Variants in CSPP1 observed in about 807,000 individuals in gnomAD.
CSPP1 encodes the protein centrosome and spindle pole associated protein 1, also known as centrosome and spindle pole-associated protein 1.
In CSPP1, 126 loss-of-function variants were observed where a neutral mutation model predicts 164.4. That is an observed-to-expected ratio of 0.77 (90% confidence interval 0.66 to 0.89). The LOEUF (loss-of-function observed/expected upper bound fraction) is 0.89. Ranked by LOEUF, CSPP1 falls within the 40% of genes least tolerant of loss-of-function variation. The pLI is 0.00. For synonymous variants in CSPP1, 472 were observed against 476.7 expected (o/e 0.99, Z 0.13); for missense variants, 1,395 against 1,449.8 (o/e 0.96, Z 0.61).
At chr8:67,065,110 G>C (rs536001068) in intron 1 of CSPP1, among the ~76,000 whole-genome samples, 1 of 152,324 alleles carries the variant, frequency 6.6e-6, no homozygotes, top group South Asian at 2.1e-4. Context: ...TATTGTTAAC[G>C]TGGGAGCGCT....
intron 3 of CSPP1, among the ~76,000 whole-genome samples, chr8:67,080,693 A>G (rs1484168353): frequency 1.3e-5 from 2 of 152,256 alleles, no homozygotes; most frequent in Non-Finnish European, 2.9e-5. Flanking sequence ...ACAGAACTCA[A>G]GAAAGTGCTG....
intron 17 of CSPP1, among the ~76,000 whole-genome samples, chr8:67,139,106 TGCG>T (rs779355578): frequency 3.9e-5 from 6 of 152,046 alleles, no homozygotes; most frequent in Non-Finnish European, 8.8e-5. Flanking sequence ...GTTGTAGATG[TGCG>T]GCATTACCAG....
intron 16 of CSPP1, among the ~76,000 whole-genome samples, chr8:67,137,195 G>C (rs1347355507): frequency 6.6e-6 from 1 of 151,930 alleles, no homozygotes; most frequent in East Asian, 1.9e-4. Flanking sequence ...TGGCCAGGCT[G>C]GTCTTGAACT....
intron 13 of CSPP1, among the ~76,000 whole-genome samples, chr8:67,116,920 T>C (rs1465997292): frequency 6.6e-6 from 1 of 152,190 alleles, no homozygotes; most frequent in Non-Finnish European, 1.5e-5. Flanking sequence ...GTGTGTTTAC[T>C]ATACTTATCA....
intron 3 of CSPP1, chr8:67,081,140 G>A (rs1809072031): frequency 6.6e-6 from 1 of 152,054 alleles, no homozygotes; most frequent in Non-Finnish European, 1.5e-5. Flanking sequence ...AAACTGTTAG[G>A]TATGGTCCAA....
intron 15 of CSPP1, among the ~76,000 whole-genome samples, chr8:67,128,431 C>T (rs556801841): frequency 6.6e-5 from 10 of 151,056 alleles, no homozygotes; most frequent in African/African-American, 1.9e-4. Flanking sequence ...TCTAGCTACT[C>T]GGGAGGCTGA....
chr8:67,179,783 T>C (rs1832578681), intron 27 of CSPP1, 80 bp from the exon 28 acceptor site: 1 of 913,816 alleles, frequency 1.1e-6, no homozygotes, highest in Non-Finnish European at 1.8e-6. Context: ...GTGTGGAAAC[T>C]TGTGCCTCTT....
At chr8:67,098,117 T>A (rs1252144770) in intron 7 of CSPP1, among the ~76,000 whole-genome samples, 15 of 151,444 alleles carry the variant, frequency 9.9e-5, no homozygotes, top group African/African-American at 3.1e-4. Context: ...AATGACTGTA[T>A]TTGTGAAAAT....
intron 1 of CSPP1, among the ~76,000 whole-genome samples, chr8:67,072,881 A>G (rs539925119): frequency 6.6e-6 from 1 of 151,658 alleles, no homozygotes; most frequent in African/African-American, 2.4e-5. Context: ...AAAAAAAAAA[A>G]AAAAAAAAAG....
At chr8:67,106,855 T>G (rs1270043503) in intron 9 of CSPP1, among the ~76,000 whole-genome samples, 3 of 152,218 alleles carry the variant, frequency 2.0e-5, no homozygotes, top group Admixed American at 6.5e-5. Context: ...GACATATTAT[T>G]GCATTATATT....
At chr8:67,123,321 A>G (rs1482069889) in intron 15 of CSPP1, among the ~76,000 whole-genome samples, 1 of 152,120 alleles carries the variant, frequency 6.6e-6, no homozygotes, top group African/African-American at 2.4e-5. Flanking sequence ...TGACCCTTTT[A>G]TTAGTGTCAG....
chr8:67,179,730 A>T, intron 27 of CSPP1, 133 bp from the exon 28 acceptor site: 1 of 611,266 alleles, frequency 1.6e-6, no homozygotes, highest in Non-Finnish European at 2.9e-6. Flanking sequence ...ATTGGAATGT[A>T]GTCAGTCCTA....
intron 30 of CSPP1, 85 bp from the exon 31 acceptor site, chr8:67,195,297 A>ATGAG (rs1272024709): frequency 7.1e-6 from 6 of 840,960 alleles, no homozygotes; most frequent in Non-Finnish European, 8.3e-6. Flanking sequence ...CTGAGTTGTA[A>ATGAG]TGAGTTGGAC....
At chr8:67,093,449 T>C (rs568827814) in intron 5 of CSPP1, 94 bp from the exon 6 acceptor site, 12 of 713,494 alleles carry the variant, frequency 1.7e-5, no homozygotes, top group South Asian at 9.0e-5. Context: ...AGTTCTGATA[T>C]GTATGATTCA....
At chr8:67,116,230 C>A in intron 13 of CSPP1, 108 bp downstream of exon 13, 1 of 741,194 alleles carries the variant, frequency 1.3e-6, no homozygotes, top group Non-Finnish European at 2.2e-6. Context: ...AGATTTTGTA[C>A]AGTTAACAGT....
chr8:67,087,136 T>TGCAGTTAAGCATGCAGTTAAGCATG (rs6150632), intron 4 of CSPP1, among the ~76,000 whole-genome samples: 5,315 of 152,186 alleles, frequency 0.035, 191 homozygotes, highest in African/African-American at 0.08. Flanking sequence ...TGCAGTTAAG[T>TGCAGTTAAGCATGCAGTTAAGCATG]CTGTTTTCAG....
intron 28 of CSPP1, among the ~76,000 whole-genome samples, chr8:67,183,462 A>G (rs1365639956): frequency 6.6e-6 from 1 of 152,212 alleles, no homozygotes; most frequent in Non-Finnish European, 1.5e-5. Context: ...CCAGACCACA[A>G]TGGAAATAAA....
chr8:67,193,823 T>C (rs1396312410), intron 30 of CSPP1, among the ~76,000 whole-genome samples: 2 of 152,134 alleles, frequency 1.3e-5, no homozygotes, highest in Non-Finnish European at 2.9e-5. Flanking sequence ...TAGAGTGGAG[T>C]CTAAACAGGT....
chr8:67,082,570 T>A (rs1287241484), intron 3 of CSPP1, among the ~76,000 whole-genome samples: 2 of 152,234 alleles, frequency 1.3e-5, no homozygotes, highest in East Asian at 3.8e-4. Flanking sequence ...TCCTATAATT[T>A]GTCTTTTGAT....
Sources: allele counts gnomAD v4.1 joint callset (sites outside exome capture counted in the v4.1 genomes callset), GRCh38; gene constraint gnomAD v4.1.1; transcripts MANE v1.5; gene names NCBI Gene and HGNC (gene_info 2026-07-23, HGNC 2026-07-21).